The following RAPH1 variants were observed in gnomAD, a reference collection of about 807,000 sequenced individuals.
RAPH1 encodes Ras association (RalGDS/AF-6) and pleckstrin homology domains 1.
RAPH1 carries 18 observed loss-of-function variants against 88.1 expected under a neutral mutation model. The ratio of observed to expected loss-of-function variants is 0.20; its 90% CI spans 0.14 to 0.30. The LOEUF is 0.30. RAPH1 is among the 10% of genes least tolerant of loss of function. The probability of loss-of-function intolerance (pLI) is 1.00; values close to 1 mark genes in which losing one functional copy is unlikely to be tolerated. For synonymous variants in RAPH1, 587 were observed against 559.0 expected, an observed-to-expected ratio of 1.05 and a Z score of -0.71; for missense variants, 1,448 against 1,543.2, an observed-to-expected ratio of 0.94 and a Z score of 1.03.
Position 203,457,593 on chromosome 2 carries a change from A to C in RAPH1, c.1095T>G (p.Asn365Lys). ...EKYALFKNPQ[N>K]YLLGKKETAE... ...CTGTTTCTTTTTTCCCCAAAAGATA[A>C]TTCTGGAAAAACAAACATATGGAAG... Residue 365 changes from asparagine to lysine, a missense_variant and splice_region_variant, in exon 8 of 14, where the codon AAT (asparagine) becomes AAG (lysine). Physicochemically the swap from Asn to Lys is moderately conservative, Grantham distance 94 (BLOSUM62 0). Around this residue, in one of 2 missense-constraint regions of RAPH1, gnomAD observed 513 missense variants for 653.1 expected, o/e 0.79. Transcript: ENST00000319170. 1 of 1,608,660 alleles carries C rather than the reference A, an allele frequency of 6.2e-7. No homozygotes were observed. The highest frequency in any genetic ancestry group is 1.1e-5 in the South Asian group (1 of 90,956).
Position 203,461,300 on chromosome 2 carries a change from C to A in RAPH1, c.919G>T (p.Gly307Cys). ...LDNLMDKSHC[G>C]YSLDWSLVET... is the part of the protein sequence containing the mutation. ...ACCAGTGACCAGTCTAAACTATAAC[C>A]GCAGTGGGATTTGTCCATCAGGTTA... Residue 307 changes from glycine (G) to cysteine (C), a missense_variant, in exon 6 of 14, where the codon GGT (glycine) becomes TGT (cysteine). Gly to Cys is a radical substitution (Grantham distance 159). Transcript: ENST00000319170. The A allele has an allele frequency of 6.2e-7, 1 of 1,608,498 alleles. No homozygotes were observed.
At chr2:203,477,078 G>A (rs762524465) in intron 4 of RAPH1, 1 of 1,610,642 alleles carries the variant, frequency 6.2e-7, no homozygotes, top group South Asian at 1.1e-5. Context: ...GAACTTACAG[G>A]TGTCAGCTCA....
intron 4 of RAPH1, among the ~76,000 whole-genome samples, chr2:203,465,266 A>G (rs2098527581): frequency 6.6e-6 from 1 of 152,234 alleles, no homozygotes; most frequent in Non-Finnish European, 1.5e-5. Flanking sequence ...TAAGTAATAA[A>G]TAAACTATGG....
chr2:203,520,658 C>G (rs1689826850), intron 1 of RAPH1, among the ~76,000 whole-genome samples: 1 of 151,726 alleles, frequency 6.6e-6, no homozygotes, highest in Non-Finnish European at 1.5e-5. Context: ...TACAGAACTC[C>G]TTATTTCTAA....
intron 12 of RAPH1, chr2:203,446,274 T>G (rs946379109): frequency 6.6e-6 from 1 of 152,206 alleles, no homozygotes; most frequent in African/African-American, 2.4e-5. Flanking sequence ...GCTTTTTCTC[T>G]TGATTAGTCT....
In RAPH1 at chr2:203,478,042, T is replaced by G. The variant is rs577283878; in HGVS notation, c.732+11542A>C. Among the ~76,000 whole-genome samples, 18 of 152,100 alleles carry G rather than the reference T, an allele frequency of 1.2e-4. 1 individual carries two copies. The South Asian group carries it at 3.3e-3, about 28-fold the overall frequency. Reference sequence around the variant, plus strand: ...AAGTCATCAATAACTTTTTGTTTTTTTTTTTTTTGAGACGGAGTCTTGCTC... The same window carrying G: ...AAGTCATCAATAACTTTTTGTTTTTGTTTTTTTTGAGACGGAGTCTTGCTC... On this transcript the variant is annotated intron_variant, in intron 4 of 13. Transcript: ENST00000319170.
At chr2:203,483,745 T>G (rs1311977320) in intron 4 of RAPH1, among the ~76,000 whole-genome samples, 1 of 152,118 alleles carries the variant, frequency 6.6e-6, no homozygotes, top group Non-Finnish European at 1.5e-5. Flanking sequence ...GGGCCCCAGA[T>G]AGAACAAAAA....
chr2:203,473,708 A>G (rs1404378059), intron 4 of RAPH1, among the ~76,000 whole-genome samples: 2 of 152,214 alleles, frequency 1.3e-5, no homozygotes, highest in African/African-American at 4.8e-5. Flanking sequence ...ATGGCATCCA[A>G]TCAGGCTTCA....
Position 203,436,139 on chromosome 2 carries a change from C to G in RAPH1, c.*3298G>C, listed in dbSNP as rs183605861. 6.6e-6 allele frequency: 1 copy of G among 152,162 alleles called. No individual in the cohort carries two copies. The highest frequency in any genetic ancestry group is 6.5e-5 in the Admixed American group (1 of 15,282). The allele number at this position is 152,162 out of a possible 1,614,324, so 9.4% of individuals were successfully genotyped here. A position where few individuals can be genotyped will look rare whatever the true frequency, so the allele number is the denominator to read the frequency against. Reference sequence around the variant, plus strand: ...AAGAAAACATACATGGAAAGGGGACCCAAGACAGTTCACCAAGATAGTTCA... The same window carrying G: ...AAGAAAACATACATGGAAAGGGGACGCAAGACAGTTCACCAAGATAGTTCA... On this transcript the variant is annotated 3_prime_UTR_variant, in exon 14 of 14. Coordinates refer to ENST00000319170, the MANE Select transcript of RAPH1 (RefSeq NM_213589.3).
At chr2:203,505,993 T>C (rs981462340) in intron 1 of RAPH1, among the ~76,000 whole-genome samples, 3 of 152,162 alleles carry the variant, frequency 2.0e-5, no homozygotes, top group African/African-American at 7.2e-5. Flanking sequence ...ACTTCATTCC[T>C]CTTAGAGAAA....
chr2:203,472,276 G>A (rs1470923182), intron 4 of RAPH1, among the ~76,000 whole-genome samples: 1 of 152,086 alleles, frequency 6.6e-6, no homozygotes, highest in Non-Finnish European at 1.5e-5. Context: ...GGGATCACAG[G>A]CATGGGCCAC....
intron 1 of RAPH1, among the ~76,000 whole-genome samples, chr2:203,516,077 G>A (rs897810146): frequency 1.2e-4 from 18 of 152,276 alleles, no homozygotes; most frequent in African/African-American, 4.3e-4. Flanking sequence ...GCTTATGTAT[G>A]CTTACATATA....
chr2:203,491,371 T>C, intron 2 of RAPH1, 52 bp from the exon 3 acceptor site: 1 of 1,242,288 alleles, frequency 8.0e-7, no homozygotes. Flanking sequence ...TTCAATAATA[T>C]AAAAAAAGAT....
chr2:203,494,686 G>A (rs1233122311), intron 2 of RAPH1, among the ~76,000 whole-genome samples: 2 of 151,966 alleles, frequency 1.3e-5, no homozygotes, highest in Admixed American at 6.6e-5. Context: ...GCGGGCGCCT[G>A]TAGTCCCAGC....
rs767292200 is a variant in RAPH1, at chr2:203,460,003, G to A, written c.996C>T (p.Asn332=). Residue 332 remains asparagine (N), a synonymous_variant, in exon 7 of 14, where the codon AAC becomes AAT. Coordinates refer to ENST00000319170, the MANE Select transcript of RAPH1 (RefSeq NM_213589.3). ...TCCAATTAAGAAGATTTTCAACCAA[G>A]TTTTCATGGTCTTCAAAGATTCTCT... ...QMERIFEDHE[N]LVENLLNWTR... is the part of the protein sequence containing the mutation. 6.2e-7 allele frequency: 1 copy of A among 1,608,604 alleles called. No homozygotes were observed. Among genetic ancestry groups the A allele is most frequent in the African/African-American group, 1.3e-5 (1 of 74,562 alleles).
chr2:203,471,568 T>G (rs1429938159), intron 4 of RAPH1, among the ~76,000 whole-genome samples: 1 of 151,968 alleles, frequency 6.6e-6, no homozygotes, highest in Non-Finnish European at 1.5e-5. Context: ...GCCGAAATTG[T>G]GCCATTGCAC....
At chr2:203,510,136 A>C (rs569973692) in intron 1 of RAPH1, among the ~76,000 whole-genome samples, 2 of 152,208 alleles carry the variant, frequency 1.3e-5, no homozygotes, top group African/African-American at 2.4e-5. Context: ...CTATCTCATA[A>C]ATGTAAAATT....
chr2:203,519,612 ACT>A (rs1318315070), intron 1 of RAPH1, among the ~76,000 whole-genome samples: 1 of 152,114 alleles, frequency 6.6e-6, no homozygotes, highest in African/African-American at 2.4e-5. Flanking sequence ...CACTCTGACC[ACT>A]CTTTTTCAAT....
chr2:203,478,440 T>C (rs1164499424), intron 4 of RAPH1, among the ~76,000 whole-genome samples: 5 of 152,076 alleles, frequency 3.3e-5, no homozygotes, highest in Non-Finnish European at 7.4e-5. Context: ...CTCCCCTCCA[T>C]CCCTCCATAC....
Sources: allele counts gnomAD v4.1 joint callset (sites outside exome capture counted in the v4.1 genomes callset), GRCh38; gene constraint gnomAD v4.1.1; regional missense constraint gnomAD v4.1.1; transcripts MANE v1.5; gene names NCBI Gene and HGNC (gene_info 2026-07-23, HGNC 2026-07-21).